Variants in ANKRD42 observed in about 807,000 individuals in gnomAD.
ANKRD42 encodes ankyrin repeat domain-containing protein 42.
A neutral mutation model predicts 51.5 loss-of-function variants in ANKRD42; 43 were observed. The ratio of observed to expected loss-of-function variants is 0.83; its 90% CI spans 0.65 to 1.08. The LOEUF is 1.08. Ranked by LOEUF, ANKRD42 falls within the 50% of genes least tolerant of loss-of-function variation. The pLI is 0.00. For synonymous variants in ANKRD42, 203 were observed against 213.0 expected (o/e 0.95, Z 0.41); for missense variants, 608 against 629.3 (o/e 0.97, Z 0.36).
intron 6 of ANKRD42, 86 bp downstream of exon 6, chr11:83,225,141 A>G (rs1862838045): frequency 1.7e-6 from 2 of 1,210,652 alleles, no homozygotes; most frequent in East Asian, 2.5e-5. Context: ...GAAATAGGAA[A>G]AGATATAAGG....
intron 11 of ANKRD42, among the ~76,000 whole-genome samples, chr11:83,254,739 T>C (rs1232352346): frequency 6.6e-6 from 1 of 152,214 alleles, no homozygotes; most frequent in African/African-American, 2.4e-5. Context: ...AAAATACTGG[T>C]AATGCTACTT....
downstream of ANKRD42, among the ~76,000 whole-genome samples, chr11:83,252,543 C>T (rs1347413053): frequency 1.3e-5 from 2 of 152,172 alleles, no homozygotes; most frequent in Non-Finnish European, 2.9e-5. Context: ...CTCTACACAT[C>T]ACCACGAATG....
At position 83,198,603 on chromosome 11, in the gene ANKRD42, T is replaced by C; in HGVS notation, c.183T>C (p.Phe61=). 1 of 1,610,278 alleles carries C rather than the reference T, an allele frequency of 6.2e-7. No individual in the cohort carries two copies. The highest frequency in any genetic ancestry group is 8.5e-7 in the Non-Finnish European group (1 of 1,177,862). The change falls in exon 2 of 11, where the codon TTT becomes TTC. Residue 61 remains phenylalanine, a synonymous_variant. Coordinates refer to ENST00000533342, the MANE Select transcript of ANKRD42 (RefSeq NM_001300975.2). ...ATGAACTTGATGTTCTCCATAAGTTTACCCCTTTACATTGGGCAGCACATT... is the reference window on the plus strand; with the variant it reads ...ATGAACTTGATGTTCTCCATAAGTTCACCCCTTTACATTGGGCAGCACATT... ...SINELDVLHK[F]TPLHWAAHSG... is the part of the protein sequence containing the mutation.
downstream of ANKRD42, among the ~76,000 whole-genome samples, chr11:83,251,699 TTTTAA>T (rs1863678112): frequency 6.6e-6 from 1 of 152,196 alleles, no homozygotes; most frequent in Non-Finnish European, 1.5e-5. Flanking sequence ...GATGATAGCT[TTTTAA>T]TTTTAGTAAA....
intron 8 of ANKRD42, among the ~76,000 whole-genome samples, chr11:83,238,768 T>G (rs1473941863): frequency 6.6e-6 from 1 of 151,520 alleles, no homozygotes; most frequent in Non-Finnish European, 1.5e-5. Context: ...AGGTGGAGGT[T>G]GCTGTGAGCC....
intron 7 of ANKRD42, among the ~76,000 whole-genome samples, chr11:83,235,396 G>A (rs1027057050): frequency 6.6e-6 from 1 of 152,188 alleles, no homozygotes; most frequent in Non-Finnish European, 1.5e-5. Context: ...TAAAGCAGCA[G>A]TGTGCTTTGC....
intron 1 of ANKRD42, among the ~76,000 whole-genome samples, chr11:83,196,138 G>GGCCAATCAA (rs1245327965): frequency 1.3e-5 from 2 of 152,018 alleles, no homozygotes. Context: ...CACCGCGCCC[G>GGCCAATCAA]GCCAATCAAC....
intron 5 of ANKRD42, among the ~76,000 whole-genome samples, chr11:83,222,926 A>G (rs1349568778): frequency 6.6e-6 from 1 of 152,098 alleles, no homozygotes; most frequent in African/African-American, 2.4e-5. Context: ...TTTTGATCAC[A>G]GGAGTGACAT....
intron 5 of ANKRD42, among the ~76,000 whole-genome samples, chr11:83,224,368 A>G (rs2135526370): frequency 6.6e-6 from 1 of 152,264 alleles, no homozygotes; most frequent in African/African-American, 2.4e-5. Context: ...TTGGGATTTC[A>G]CTTTCTAAGA....
rs573479025 is a variant in ANKRD42, at chr11:83,241,014, T to C, written c.1195+80T>C. 359 of 1,439,600 alleles carry C rather than the reference T, an allele frequency of 2.5e-4. 5 individuals are homozygous for C. In the South Asian group the frequency reaches 4.7e-3, roughly 19 times the overall value. 89.2% of individuals were successfully genotyped at this position (1,439,600 alleles called of 1,614,324 possible). A position where few individuals can be genotyped will look rare whatever the true frequency, so the allele number is the denominator to read the frequency against. ...TTTACCACAAATTTGGAAACTATTC[T>C]AAAGACAAATACTGCCTACAAAGTA... On this transcript the variant is annotated intron_variant, in intron 9 of 10. Transcript: ENST00000533342.
downstream of ANKRD42, among the ~76,000 whole-genome samples, chr11:83,258,595 G>A (rs1374250363): frequency 2.0e-5 from 3 of 152,164 alleles, no homozygotes; most frequent in East Asian, 3.9e-4. Context: ...TACCTAAGAG[G>A]AGAGCTGTGA....
intron 10 of ANKRD42, 26 bp from the exon 11 acceptor site, chr11:83,247,917 T>C: frequency 1.2e-5 from 19 of 1,570,262 alleles, no homozygotes; most frequent in Non-Finnish European, 1.6e-5. Flanking sequence ...TGATGATTGA[T>C]TTTTAAAAAA....
intron 5 of ANKRD42, among the ~76,000 whole-genome samples, chr11:83,216,728 G>A (rs185861762): frequency 5.3e-4 from 80 of 152,262 alleles, no homozygotes; most frequent in Non-Finnish European, 7.9e-4. Flanking sequence ...TTGGTGTAAG[G>A]CATATTTTAA....
At position 83,210,297 on chromosome 11, in the gene ANKRD42, T is replaced by G; in HGVS notation, c.331-3T>G. ...AAAGTCTTTCCTATTTCTCTATTTT[T>G]AGGCTCTTATAATGAATGGAGCAAA... On this transcript the variant is annotated splice_region_variant and splice_polypyrimidine_tract_variant and intron_variant, in intron 3 of 10. Coordinates refer to ENST00000533342, the MANE Select transcript of ANKRD42 (RefSeq NM_001300975.2). 1 of 1,613,154 alleles carries G rather than the reference T, an allele frequency of 6.2e-7. No homozygotes were observed. Among genetic ancestry groups the G allele is most frequent in the Non-Finnish European group, 8.5e-7 (1 of 1,179,206 alleles).
chr11:83,251,201 TA>T (rs1159108147), downstream of ANKRD42, among the ~76,000 whole-genome samples: 1 of 152,160 alleles, frequency 6.6e-6, no homozygotes, highest in Non-Finnish European at 1.5e-5. Flanking sequence ...GTTGACTCTG[TA>T]AAATCCCCTA....
rs756612943 is a variant in ANKRD42, at chr11:83,212,966, G to C, written c.586+1536G>C. On this transcript the variant is annotated intron_variant, in intron 5 of 10. Transcript: ENST00000533342. ...AAAAACAAAAAGCCCCTCTCTCGGC[G>C]CTGCCTACGGAGGTGGCAGCCATCT... 9.6e-6 allele frequency: 15 copies of C among 1,564,144 alleles called. No individual in the cohort carries two copies. In the African/African-American group the frequency reaches 2.1e-4, roughly 22 times the overall value.
At chr11:83,199,727 T>G (rs1246641463) in intron 2 of ANKRD42, among the ~76,000 whole-genome samples, 1 of 152,178 alleles carries the variant, frequency 6.6e-6, no homozygotes, top group Non-Finnish European at 1.5e-5. Flanking sequence ...GACAATGCAT[T>G]GTCTTTTTAC....
At chr11:83,240,667 G>A (rs1265119033) in intron 8 of ANKRD42, 92 bp from the exon 9 acceptor site, 13 of 1,394,744 alleles carry the variant, frequency 9.3e-6, no homozygotes, top group Non-Finnish European at 1.3e-5. Flanking sequence ...ATGGCAGGGT[G>A]TACAGAGTGT....
intron 5 of ANKRD42, chr11:83,213,491 G>A (rs1360948485): frequency 7.5e-7 from 1 of 1,332,108 alleles, no homozygotes; most frequent in Admixed American, 3.3e-5. Context: ...ATTATTTTGT[G>A]TTAGGCTTCC....
Sources: allele counts gnomAD v4.1 joint callset (sites outside exome capture counted in the v4.1 genomes callset), GRCh38; gene constraint gnomAD v4.1.1; transcripts MANE v1.5; gene names NCBI Gene and HGNC (gene_info 2026-07-23, HGNC 2026-07-21).